The following TMEM154 variants were observed in gnomAD, a reference collection of about 807,000 sequenced individuals.
TMEM154 encodes the protein transmembrane protein 154.
In TMEM154, 27 loss-of-function variants were observed where a neutral mutation model predicts 24.5. The ratio of observed to expected loss-of-function variants is 1.10; its 90% CI spans 0.81 to 1.52. The LOEUF is 1.52. Ranked by LOEUF, TMEM154 falls within the 40% of genes most tolerant of loss-of-function variation. The pLI, the probability that TMEM154 is intolerant of heterozygous loss-of-function variation, is 0.00. For synonymous variants in TMEM154, 67 were observed against 76.8 expected (o/e 0.87, Z 0.67); for missense variants, 228 against 213.4 (o/e 1.07, Z -0.43).
rs564424186 is a variant in TMEM154 at position 152,652,715 on chromosome 4, A to G, written c.277T>C (p.Ser93Pro). 24 of 1,614,008 alleles carry G rather than the reference A, an allele frequency of 1.5e-5. No homozygotes were observed. The African/African-American group carries it at 2.5e-4, about 17-fold the overall frequency. Reference sequence around the variant, plus strand: ...TAGTATGTTGCAAGGAATACCACGGATAAAAGTAAGAGGACCAATAAAATC... The same window carrying G: ...TAGTATGTTGCAAGGAATACCACGGGTAAAAGTAAGAGGACCAATAAAATC... ...PLILLVLLLL[S>P]VVFLATYYKR... Residue 93 changes from serine to proline, a missense_variant, in exon 2 of 7, where the codon TCC (serine) becomes CCC (proline). Physicochemically the swap from Ser to Pro is moderately conservative, Grantham distance 74. Coordinates refer to ENST00000304385, the MANE Select transcript of TMEM154 (RefSeq NM_152680.3).
chr4:152,649,224 A>G (rs1221718177), intron 3 of TMEM154, among the ~76,000 whole-genome samples: 2 of 152,242 alleles, frequency 1.3e-5, no homozygotes, highest in Non-Finnish European at 2.9e-5. Context: ...ATGTATGACT[A>G]TGTATTGTAT....
chr4:152,664,588 C>T (rs981725392), intron 1 of TMEM154, among the ~76,000 whole-genome samples: 44 of 152,086 alleles, frequency 2.9e-4, no homozygotes, highest in Admixed American at 2.1e-3. Context: ...CAAGCTCTAG[C>T]TTTTAAAGTT....
At chr4:152,661,584 T>C (rs916831110) in intron 1 of TMEM154, among the ~76,000 whole-genome samples, 8 of 152,214 alleles carry the variant, frequency 5.3e-5, no homozygotes, top group Admixed American at 3.3e-4. Flanking sequence ...TCCTCAAGCA[T>C]AGGTGACAAA....
intron 1 of TMEM154, among the ~76,000 whole-genome samples, chr4:152,661,822 C>T (rs935192567): frequency 6.6e-6 from 1 of 152,188 alleles, no homozygotes; most frequent in Non-Finnish European, 1.5e-5. Context: ...GGAAGTTTCG[C>T]TACCACCCTT....
intron 3 of TMEM154, among the ~76,000 whole-genome samples, chr4:152,651,537 T>G (rs1225060717): frequency 6.6e-6 from 1 of 152,256 alleles, no homozygotes; most frequent in African/African-American, 2.4e-5. Flanking sequence ...ATTTTTCTTC[T>G]GCAGCTTCCT....
At chr4:152,678,987 T>C (rs1729007072) in intron 1 of TMEM154, among the ~76,000 whole-genome samples, 1 of 152,126 alleles carries the variant, frequency 6.6e-6, no homozygotes, top group East Asian at 1.9e-4. Context: ...AACTTTCCTT[T>C]TGCTTGGTAA....
intron 6 of TMEM154, among the ~76,000 whole-genome samples, chr4:152,639,587 T>C (rs868750127): frequency 2.8e-4 from 42 of 151,678 alleles, no homozygotes; most frequent in African/African-American, 9.2e-4. Flanking sequence ...TCTCTCTCTC[T>C]CCCCCTCTCT....
Position 152,633,169 on chromosome 4 carries a change from T to C in TMEM154, c.537-4608A>G, listed in dbSNP as rs182598820. ...CACTGTCCATCAACAAGAACTTGTT[T>C]AACTTAAAGCACCAAAGAGGAAAAG... On this transcript the variant is annotated intron_variant, in intron 6 of 6. Coordinates refer to ENST00000304385, the MANE Select transcript of TMEM154 (RefSeq NM_152680.3). Among the ~76,000 whole-genome samples the C allele has an allele frequency of 2.6e-5, 4 of 152,150 alleles. No individual in the cohort carries two copies. In the East Asian group the frequency reaches 7.7e-4, roughly 29 times the overall value.
At chr4:152,631,953 T>A (rs1192184408) in intron 6 of TMEM154, among the ~76,000 whole-genome samples, 1 of 151,864 alleles carries the variant, frequency 6.6e-6, no homozygotes, top group African/African-American at 2.4e-5. Flanking sequence ...TACAGGTGTC[T>A]GCCACCATGC....
At chr4:152,675,156 CAAAAA>C (rs368552348) in intron 1 of TMEM154, among the ~76,000 whole-genome samples, 1 of 83,174 alleles carries the variant, frequency 1.2e-5, no homozygotes, top group African/African-American at 5.7e-5. Context: ...GGCTCCATCT[CAAAAA>C]AAAAAAAAAA....
At chr4:152,649,984 T>C (rs1381084314) in intron 3 of TMEM154, among the ~76,000 whole-genome samples, 1 of 152,238 alleles carries the variant, frequency 6.6e-6, no homozygotes, top group African/African-American at 2.4e-5. Flanking sequence ...TAATTTAAAA[T>C]ACTTCATTGC....
rs1751802889 is a variant in TMEM154, at chr4:152,618,801, T to A, written c.*9745A>T. ...GGATTTAATGTAGCTAAAAATACAA[T>A]ACAATACACACAATAGGACAATATG... is the stretch of plus-strand genomic sequence containing the variant. On this transcript the variant is annotated 3_prime_UTR_variant, in exon 7 of 7. Transcript: ENST00000304385. The A allele has an allele frequency of 6.6e-6, 1 of 152,142 alleles. No homozygotes were observed. Among genetic ancestry groups the A allele is most frequent in the Non-Finnish European group, 1.5e-5 (1 of 68,030 alleles). 9.4% of individuals were successfully genotyped at this position (152,142 alleles called of 1,614,324 possible).
At chr4:152,672,536 T>G (rs1227929410) in intron 1 of TMEM154, among the ~76,000 whole-genome samples, 1 of 152,198 alleles carries the variant, frequency 6.6e-6, no homozygotes, top group East Asian at 1.9e-4. Context: ...TCACTGGTGA[T>G]GGAGACAGAG....
At chr4:152,650,197 C>A (rs1728346303) in intron 3 of TMEM154, among the ~76,000 whole-genome samples, 1 of 152,158 alleles carries the variant, frequency 6.6e-6, no homozygotes, top group East Asian at 1.9e-4. Context: ...TTCTCTGTAG[C>A]ATACAATGCT....
At chr4:152,636,248 T>C (rs1203144672) in intron 6 of TMEM154, among the ~76,000 whole-genome samples, 2 of 152,238 alleles carry the variant, frequency 1.3e-5, no homozygotes, top group Non-Finnish European at 2.9e-5. Context: ...TACCATGTGT[T>C]GGCAATGCTT....
chr4:152,652,602 T>A (rs1328753192), intron 2 of TMEM154, 26 bp from the exon 3 acceptor site: 4 of 1,613,806 alleles, frequency 2.5e-6, no homozygotes, highest in Non-Finnish European at 2.5e-6. Context: ...GAATATTTTG[T>A]TTTATTGATT....
At chr4:152,656,680 G>T (rs1169745934) in intron 1 of TMEM154, among the ~76,000 whole-genome samples, 3 of 152,052 alleles carry the variant, frequency 2.0e-5, no homozygotes, top group Non-Finnish European at 4.4e-5. Context: ...CCAGCATTTT[G>T]GGAGGCTGAG....
chr4:152,662,927 G>A (rs1374864489), intron 1 of TMEM154, among the ~76,000 whole-genome samples: 2 of 152,182 alleles, frequency 1.3e-5, no homozygotes, highest in Non-Finnish European at 2.9e-5. Flanking sequence ...CCATAGCATC[G>A]TGGAAGGAAG....
chr4:152,628,140 G>T lies in TMEM154; in HGVS notation c.*406C>A. The T allele has an allele frequency of 4.9e-6, 1 of 205,810 alleles. No individual in the cohort carries two copies. Among genetic ancestry groups the T allele is most frequent in the Non-Finnish European group, 9.8e-6 (1 of 101,604 alleles). 12.7% of individuals were successfully genotyped at this position (205,810 alleles called of 1,614,324 possible). On this transcript the variant is annotated 3_prime_UTR_variant, in exon 7 of 7. Coordinates refer to ENST00000304385, the MANE Select transcript of TMEM154 (RefSeq NM_152680.3). ...TCCAAAGCTGGTTACTGACCCAAAA[G>T]GAAACCATCGATAAAACAGCTTCCT...
Sources: allele counts gnomAD v4.1 joint callset (sites outside exome capture counted in the v4.1 genomes callset), GRCh38; gene constraint gnomAD v4.1.1; transcripts MANE v1.5; gene names NCBI Gene and HGNC (gene_info 2026-07-23, HGNC 2026-07-21).